DLGAP2: variants seen among roughly 807,000 people sequenced by gnomAD.
DLGAP2 encodes the protein DLG associated protein 2.
Under a neutral mutation model 100.3 loss-of-function variants are expected in DLGAP2, and 26 were observed. That is an observed-to-expected ratio of 0.26 (90% confidence interval 0.19 to 0.36). DLGAP2 has a LOEUF of 0.36. Among genes scored for constraint, DLGAP2 ranks in the 10% least tolerant of loss-of-function variants. The pLI is 1.00. For missense variants in DLGAP2, 1,858 were observed against 1,453.2 expected (o/e 1.28, Z -4.53); for synonymous variants, 886 against 630.1 (o/e 1.41, Z -6.08).
intron 3 of DLGAP2, among the ~76,000 whole-genome samples, chr8:1,268,897 G>T (rs1248530555): frequency 6.6e-6 from 1 of 152,152 alleles, no homozygotes; most frequent in East Asian, 1.9e-4. Context: ...GGCTAAGTCG[G>T]CTTTGTGGCA....
intron 2 of DLGAP2, among the ~76,000 whole-genome samples, chr8:1,186,445 G>A (rs368464676): frequency 1.3e-5 from 2 of 152,196 alleles, no homozygotes; most frequent in East Asian, 1.9e-4. Flanking sequence ...GCTGTGCAGC[G>A]AGTTCAGTTG....
At chr8:1,131,119 A>G (rs1049086589) in intron 2 of DLGAP2, among the ~76,000 whole-genome samples, 28 of 152,214 alleles carry the variant, frequency 1.8e-4, no homozygotes, top group Admixed American at 1.7e-3. Flanking sequence ...CACTCATTTT[A>G]TAACAGAAGA....
intron 2 of DLGAP2, among the ~76,000 whole-genome samples, chr8:1,209,427 T>G (rs1194209570): frequency 6.6e-6 from 1 of 152,172 alleles, no homozygotes; most frequent in Non-Finnish European, 1.5e-5. Flanking sequence ...GACAATCAGA[T>G]TTGTGATATA....
chr8:826,096 C>T (rs1295698063), intron 1 of DLGAP2, among the ~76,000 whole-genome samples: 1 of 152,240 alleles, frequency 6.6e-6, no homozygotes, highest in Non-Finnish European at 1.5e-5. Flanking sequence ...CTGTGCCCAG[C>T]TTATTTCACA....
intron 2 of DLGAP2, among the ~76,000 whole-genome samples, chr8:1,188,420 C>T (rs569365123): frequency 7.6e-6 from 1 of 131,962 alleles, no homozygotes; most frequent in African/African-American, 3.7e-5. Context: ...CTCACAGAAT[C>T]GCGCACGCCC....
intron 2 of DLGAP2, among the ~76,000 whole-genome samples, chr8:1,204,689 C>T (rs1352839395): frequency 2.0e-5 from 3 of 152,032 alleles, no homozygotes; most frequent in Non-Finnish European, 4.4e-5. Flanking sequence ...CTTGTGAGAT[C>T]CTTGACATCT....
At chr8:1,315,804 CA>C (rs1425861486) in intron 3 of DLGAP2, among the ~76,000 whole-genome samples, 2 of 55,898 alleles carry the variant, frequency 3.6e-5, no homozygotes, top group Non-Finnish European at 6.5e-5. Flanking sequence ...GTCTCTCCAA[CA>C]GTGGTCTACA....
At chr8:789,985 C>T (rs1045611139) in intron 1 of DLGAP2, among the ~76,000 whole-genome samples, 2 of 152,172 alleles carry the variant, frequency 1.3e-5, no homozygotes, top group African/African-American at 4.8e-5. Flanking sequence ...GGAGATGATG[C>T]CGCCTCCCAG....
intron 2 of DLGAP2, among the ~76,000 whole-genome samples, chr8:1,219,789 C>T (rs1463655687): frequency 3.9e-5 from 6 of 152,050 alleles, no homozygotes; most frequent in Admixed American, 1.3e-4. Flanking sequence ...AATTTTAGAA[C>T]TCATTATTGG....
rs541250798 is a variant in DLGAP2, at chr8:1,207,183, G to T, written c.74-51668G>T. Among the ~76,000 whole-genome samples the T allele has an allele frequency of 1.6e-4, 25 of 152,250 alleles. 1 individual carries two copies. Among genetic ancestry groups the T allele is most frequent in the Admixed American group, 3.3e-4 (5 of 15,300 alleles). ...GGTGATTTCTGAGATTTTAGTGCAC[G>T]CAAGCCATGTACACTGTACCCAACG... On this transcript the variant is annotated intron_variant, in intron 2 of 14. Transcript: ENST00000637795.
chr8:1,285,870 A>G (rs897969859), intron 3 of DLGAP2, among the ~76,000 whole-genome samples: 2 of 152,266 alleles, frequency 1.3e-5, no homozygotes, highest in Admixed American at 6.5e-5. Context: ...CCTTGCAAGG[A>G]TTACCTGAGC....
At chr8:1,141,042 G>A (rs1796512242) in intron 2 of DLGAP2, among the ~76,000 whole-genome samples, 1 of 152,174 alleles carries the variant, frequency 6.6e-6, no homozygotes, top group Non-Finnish European at 1.5e-5. Context: ...GCAGGAATGT[G>A]GTTTGGTTTC....
intron 6 of DLGAP2, among the ~76,000 whole-genome samples, chr8:1,597,348 T>G (rs1401930865): frequency 6.6e-6 from 1 of 150,968 alleles, no homozygotes; most frequent in Non-Finnish European, 1.5e-5. Flanking sequence ...CTATATGGAC[T>G]CTTTTTTGAT....
chr8:1,357,606 C>T (rs370196868), intron 3 of DLGAP2, among the ~76,000 whole-genome samples: 1 of 152,226 alleles, frequency 6.6e-6, no homozygotes, highest in Non-Finnish European at 1.5e-5. Context: ...CTGGAAAGCA[C>T]GCTTTATAAA....
At chr8:816,295 A>G (rs763739240) in intron 1 of DLGAP2, among the ~76,000 whole-genome samples, 2 of 141,574 alleles carry the variant, frequency 1.4e-5, no homozygotes, top group African/African-American at 2.6e-5. Context: ...TTTTCATTGC[A>G]TTGTTGTTAT....
At chr8:1,663,027 A>G (rs1246410284) in intron 8 of DLGAP2, among the ~76,000 whole-genome samples, 1 of 89,960 alleles carries the variant, frequency 1.1e-5, no homozygotes, top group Non-Finnish European at 2.1e-5. Context: ...TACCTGTGTG[A>G]GTGTGGGGGA....
At chr8:971,086 AG>A (rs1780395854) in intron 2 of DLGAP2, among the ~76,000 whole-genome samples, 1 of 152,226 alleles carries the variant, frequency 6.6e-6, no homozygotes, top group Middle Eastern at 3.2e-3. Flanking sequence ...ATGAAAATTC[AG>A]GACTTATTTA....
intron 4 of DLGAP2, among the ~76,000 whole-genome samples, chr8:1,529,733 C>T (rs1023132446): frequency 5.3e-5 from 8 of 152,162 alleles, no homozygotes; most frequent in South Asian, 2.1e-4. Flanking sequence ...GAACCTGCCC[C>T]GATATTCACG....
chr8:794,519 T>G (rs997862688), intron 1 of DLGAP2, among the ~76,000 whole-genome samples: 4 of 152,194 alleles, frequency 2.6e-5, no homozygotes, highest in Admixed American at 6.5e-5. Flanking sequence ...AGGAATAGGT[T>G]GGGCTAGTTA....
Sources: allele counts gnomAD v4.1 joint callset (sites outside exome capture counted in the v4.1 genomes callset), GRCh38; gene constraint gnomAD v4.1.1; transcripts MANE v1.5; gene names NCBI Gene and HGNC (gene_info 2026-07-23, HGNC 2026-07-21).